Variants in NRG1 observed in about 807,000 individuals in gnomAD.
NRG1 encodes pro-neuregulin-1, membrane-bound isoform.
NRG1 carries 18 observed loss-of-function variants against 63.8 expected under a neutral mutation model. The observed-to-expected ratio is 0.28, with a 90% CI of 0.19 to 0.42. The LOEUF (loss-of-function observed/expected upper bound fraction) is 0.42, where lower values mean the gene tolerates loss of function less well. Among genes scored for constraint, NRG1 ranks in the 10% least tolerant of loss-of-function variants. The pLI, the probability that NRG1 is intolerant of heterozygous loss-of-function variation, is 1.00. For missense variants in NRG1, 762 were observed against 814.7 expected, an observed-to-expected ratio of 0.94 and a Z score of 0.79; for synonymous variants, 302 against 301.3, an observed-to-expected ratio of 1.00 and a Z score of -0.02.
At chr8:32,592,332 C>G (rs1012127272) in intron 1 of NRG1, among the ~76,000 whole-genome samples, 1 of 152,004 alleles carries the variant, frequency 6.6e-6, no homozygotes, top group African/African-American at 2.4e-5. Context: ...CCCCAGTAGT[C>G]CCAATAATAT....
At chr8:32,650,861 G>C (rs766752526) in intron 5 of NRG1, among the ~76,000 whole-genome samples, 12 of 151,740 alleles carry the variant, frequency 7.9e-5, no homozygotes, top group Non-Finnish European at 1.8e-4. Flanking sequence ...TTATTCTCCC[G>C]TTTCCATTTT....
intron 1 of NRG1, among the ~76,000 whole-genome samples, chr8:31,922,884 A>G (rs997861454): frequency 1.3e-5 from 2 of 152,194 alleles, no homozygotes; most frequent in Non-Finnish European, 1.5e-5. Context: ...GAGGAAAAAA[A>G]AGGAAGTAAT....
At chr8:32,737,017 T>C (rs1432020612) in intron 6 of NRG1, among the ~76,000 whole-genome samples, 1 of 152,206 alleles carries the variant, frequency 6.6e-6, no homozygotes, top group East Asian at 1.9e-4. Flanking sequence ...ATTAACAGTA[T>C]ATTGAAGTTA....
chr8:32,249,725 G>GC (rs1848910526), intron 1 of NRG1, among the ~76,000 whole-genome samples: 1 of 152,016 alleles, frequency 6.6e-6, no homozygotes, highest in African/African-American at 2.4e-5. Flanking sequence ...AGCACAAAGG[G>GC]CCCAAATAAG....
chr8:32,360,944 CA>C lies in NRG1; in HGVS notation c.38-234882del, dbSNP rs538351316. On this transcript the variant is annotated intron_variant, in intron 1 of 10. Transcript: ENST00000519301. Reference sequence around the variant, plus strand: ...GCCCTGGCTATATCTGCCGTGTACACAAGAACCAAAAATACCACACTTCATT... The same window carrying C: ...GCCCTGGCTATATCTGCCGTGTACACAGAACCAAAAATACCACACTTCATT... Among the ~76,000 whole-genome samples, 28 of 152,240 alleles carry C rather than the reference CA, an allele frequency of 1.8e-4. No individual in the cohort carries two copies. The South Asian group carries it at 4.6e-3, about 25-fold the overall frequency.
intron 1 of NRG1, among the ~76,000 whole-genome samples, chr8:31,952,292 T>C (rs745329840): frequency 2.6e-5 from 4 of 152,202 alleles, no homozygotes; most frequent in Non-Finnish European, 5.9e-5. Flanking sequence ...AAAGAACTTA[T>C]TACAAATCAA....
intron 1 of NRG1, among the ~76,000 whole-genome samples, chr8:32,586,216 A>G (rs1215823015): frequency 2.0e-5 from 3 of 147,718 alleles, no homozygotes; most frequent in African/African-American, 7.4e-5. Flanking sequence ...ATTCTACTAT[A>G]TATACTATAT....
At chr8:31,662,232 G>A (rs533793470) in intron 1 of NRG1, among the ~76,000 whole-genome samples, 3 of 152,258 alleles carry the variant, frequency 2.0e-5, no homozygotes, top group East Asian at 3.9e-4. Context: ...ACAGCACCAA[G>A]TGATCAAAAG....
At chr8:31,889,308 C>G (rs1485548572) in intron 1 of NRG1, among the ~76,000 whole-genome samples, 1 of 152,104 alleles carries the variant, frequency 6.6e-6, no homozygotes, top group Non-Finnish European at 1.5e-5. Flanking sequence ...TAGGTATATC[C>G]TTTAATGAGA....
chr8:32,409,036 A>G (rs965763378), intron 1 of NRG1, among the ~76,000 whole-genome samples: 5 of 152,280 alleles, frequency 3.3e-5, no homozygotes, highest in Admixed American at 3.3e-4. Context: ...AATAGCCTTC[A>G]GGTCCATCCA....
At chr8:32,652,067 T>C (rs552459530) in intron 5 of NRG1, among the ~76,000 whole-genome samples, 16 of 152,240 alleles carry the variant, frequency 1.1e-4, no homozygotes, top group Non-Finnish European at 2.4e-4. Context: ...TATTAGAAAA[T>C]GTCTCTGTCT....
chr8:32,214,036 T>C (rs1844963570), intron 1 of NRG1, among the ~76,000 whole-genome samples: 2 of 152,220 alleles, frequency 1.3e-5, no homozygotes, highest in South Asian at 2.1e-4. Context: ...GTTAGGGAAG[T>C]TTATGTGGAT....
At chr8:32,125,753 A>G (rs1307412717) in intron 1 of NRG1, among the ~76,000 whole-genome samples, 2 of 151,948 alleles carry the variant, frequency 1.3e-5, no homozygotes, top group South Asian at 2.1e-4. Context: ...TCTTTTGATA[A>G]GAAAGATCTC....
At chr8:32,059,529 A>G (rs1330949132) in intron 1 of NRG1, among the ~76,000 whole-genome samples, 2 of 151,988 alleles carry the variant, frequency 1.3e-5, no homozygotes, top group Non-Finnish European at 2.9e-5. Flanking sequence ...TGTTTCTTGC[A>G]TACTCTCATA....
intron 1 of NRG1, among the ~76,000 whole-genome samples, chr8:32,226,973 T>A (rs1015952992): frequency 6.6e-6 from 1 of 152,250 alleles, no homozygotes. Context: ...TCATATTCAC[T>A]TGGCATAATT....
chr8:31,889,747 G>A (rs1831001955), intron 1 of NRG1, among the ~76,000 whole-genome samples: 1 of 152,190 alleles, frequency 6.6e-6, no homozygotes, highest in Non-Finnish European at 1.5e-5. Flanking sequence ...CTGCATGGGA[G>A]GGCATTGCCT....
chr8:32,501,969 C>T lies in NRG1; in HGVS notation c.38-93859C>T, dbSNP rs1827906961. On this transcript the variant is annotated intron_variant, in intron 1 of 10. Coordinates refer to the NRG1 transcript ENST00000519301. The stretch of plus-strand genomic sequence containing the variant: ...TAGTGAGACCCTGTCTCTCTAAGAA[C>T]AAAAAATAGATTAATAAACCAAGAA... 3.3e-5 allele frequency among the ~76,000 whole-genome samples: 5 copies of T among 151,986 alleles called. No homozygotes were observed. In the South Asian group the frequency reaches 1.0e-3, roughly 31 times the overall value.
intron 5 of NRG1, among the ~76,000 whole-genome samples, chr8:32,643,641 C>T (rs935069866): frequency 6.6e-6 from 1 of 152,156 alleles, no homozygotes; most frequent in Non-Finnish European, 1.5e-5. Context: ...TAAGCTATTT[C>T]CAGGTGGTTT....
chr8:31,715,859 G>A (rs980838901), intron 1 of NRG1, among the ~76,000 whole-genome samples: 2 of 152,210 alleles, frequency 1.3e-5, no homozygotes, highest in South Asian at 2.1e-4. Flanking sequence ...GGTATCAAAG[G>A]GCAGGGAGGT....
Sources: gnomAD v4.1 joint callset for allele counts (sites outside exome capture counted in the v4.1 genomes callset) on GRCh38, gnomAD v4.1.1 for gene constraint, MANE v1.5 for transcripts, NCBI Gene and HGNC (gene_info 2026-07-23, HGNC 2026-07-21) for gene names.